GRM7: variants seen among roughly 807,000 people sequenced by gnomAD.
GRM7 encodes the protein glutamate metabotropic receptor 7, also known as metabotropic glutamate receptor 7.
Under a neutral mutation model 84.5 loss-of-function variants are expected in GRM7, and 35 were observed. That is an observed-to-expected ratio of 0.41 (90% confidence interval 0.32 to 0.55). The LOEUF is 0.55. GRM7 is among the 20% of genes least tolerant of loss of function. The probability of loss-of-function intolerance (pLI) is 0.19; values close to 1 mark genes in which losing one functional copy is unlikely to be tolerated. For missense variants in GRM7, 1,003 were observed against 1,194.6 expected (o/e 0.84, Z 2.36); for synonymous variants, 487 against 455.1 (o/e 1.07, Z -0.89).
intron 4 of GRM7, among the ~76,000 whole-genome samples, chr3:7,397,746 A>T (rs1459225776): frequency 6.6e-6 from 1 of 152,060 alleles, no homozygotes; most frequent in Non-Finnish European, 1.5e-5. Context: ...CTTAAGGGAG[A>T]TTTTCCTCTA....
Position 7,012,987 on chromosome 3 carries a change from G to A in GRM7, c.520-133465G>A, listed in dbSNP as rs150554491. Reference sequence around the variant, plus strand: ...ACTTCTGGCTTTGAGCAATCTTCTGGCGTCTTCCTTCCAATACGCCGGGAT... The same window carrying A: ...ACTTCTGGCTTTGAGCAATCTTCTGACGTCTTCCTTCCAATACGCCGGGAT... On this transcript the variant is annotated intron_variant, in intron 1 of 9. Coordinates refer to ENST00000357716, the MANE Select transcript of GRM7 (RefSeq NM_000844.4). Among the ~76,000 whole-genome samples, 71 of 152,054 alleles carry A rather than the reference G, an allele frequency of 4.7e-4. 1 individual carries two copies. The East Asian group carries it at 0.012, about 27-fold the overall frequency.
At chr3:7,272,257 A>G (rs1044149964) in intron 2 of GRM7, among the ~76,000 whole-genome samples, 11 of 152,078 alleles carry the variant, frequency 7.2e-5, no homozygotes, top group African/African-American at 2.7e-4. Context: ...CCTGCCATAC[A>G]ATGCAGGTAA....
intron 4 of GRM7, among the ~76,000 whole-genome samples, chr3:7,360,502 G>A (rs533230967): frequency 4.6e-5 from 7 of 152,028 alleles, no homozygotes; most frequent in Non-Finnish European, 8.8e-5. Flanking sequence ...TCTATAAAAC[G>A]GTATTTTTTG....
chr3:6,998,119 C>CAAAAAAAAAAAAAACAAA (rs1694885687), intron 1 of GRM7, among the ~76,000 whole-genome samples: 1 of 18,432 alleles, frequency 5.4e-5, no homozygotes, highest in Non-Finnish European at 9.6e-5. Flanking sequence ...ATCTCCATCT[C>CAAAAAAAAAAAAAACAAA]AAAAAAAAAA....
At chr3:7,225,738 A>C (rs1369783065) in intron 2 of GRM7, among the ~76,000 whole-genome samples, 3 of 151,914 alleles carry the variant, frequency 2.0e-5, no homozygotes, top group African/African-American at 7.2e-5. Context: ...GTTTTAATAA[A>C]TTAATACGTA....
chr3:7,108,494 T>G (rs1341653312), intron 1 of GRM7, among the ~76,000 whole-genome samples: 1 of 48,464 alleles, frequency 2.1e-5, no homozygotes, highest in African/African-American at 1.0e-4. Flanking sequence ...GACTCAACCA[T>G]TTTTTTTTTT....
intron 1 of GRM7, among the ~76,000 whole-genome samples, chr3:6,869,608 CAG>C (rs1277675134): frequency 7.4e-5 from 5 of 67,788 alleles, no homozygotes; most frequent in Non-Finnish European, 1.3e-4. Flanking sequence ...TCTATGGAGA[CAG>C]AGAGAGAGAA....
intron 2 of GRM7, among the ~76,000 whole-genome samples, chr3:7,248,707 A>G (rs1411946636): frequency 3.9e-5 from 6 of 152,154 alleles, no homozygotes; most frequent in African/African-American, 1.2e-4. Flanking sequence ...TTAAAATATT[A>G]GTGCCAAATA....
At chr3:7,040,909 C>T (rs1696580586) in intron 1 of GRM7, among the ~76,000 whole-genome samples, 1 of 151,496 alleles carries the variant, frequency 6.6e-6, no homozygotes, top group Non-Finnish European at 1.5e-5. Flanking sequence ...ACGGTGAAAC[C>T]CAGTATCTAC....
At chr3:7,444,071 C>T (rs1039372254) in intron 5 of GRM7, among the ~76,000 whole-genome samples, 2 of 152,134 alleles carry the variant, frequency 1.3e-5, no homozygotes, top group Admixed American at 1.3e-4. Flanking sequence ...TTATCTCATG[C>T]TTTTAGCAAC....
rs140906928 is a variant in GRM7, at chr3:7,467,717, C to G, written c.1515+5995C>G. Among the ~76,000 whole-genome samples the G allele has an allele frequency of 6.1e-3, 934 of 152,202 alleles. 14 individuals are homozygous for G. Among genetic ancestry groups the G allele is most frequent in the African/African-American group, 0.022 (906 of 41,534 alleles). On this transcript the variant is annotated intron_variant, in intron 7 of 9. Transcript: ENST00000357716. ...TCCTTACCACAAGCCATTTATAATG[C>G]TCTCTGGATTGTTTAGTTATCAATA...
intron 2 of GRM7, among the ~76,000 whole-genome samples, chr3:7,153,706 T>G (rs1310000764): frequency 6.6e-6 from 1 of 152,138 alleles, no homozygotes; most frequent in Non-Finnish European, 1.5e-5. Context: ...TGACTTGTAC[T>G]TATGCAATAT....
intron 9 of GRM7, among the ~76,000 whole-genome samples, chr3:7,727,609 C>A (rs537306785): frequency 6.6e-6 from 1 of 152,302 alleles, no homozygotes; most frequent in East Asian, 1.9e-4. Context: ...CAGCTTCATA[C>A]ACACGAGAAG....
chr3:6,998,408 G>A (rs536543390), intron 1 of GRM7, among the ~76,000 whole-genome samples: 39 of 152,150 alleles, frequency 2.6e-4, no homozygotes, highest in Admixed American at 1.6e-3. Flanking sequence ...TTCATGGGCT[G>A]GTGTTGAGTG....
At chr3:7,180,765 G>T (rs560551591) in intron 2 of GRM7, among the ~76,000 whole-genome samples, 1 of 152,226 alleles carries the variant, frequency 6.6e-6, no homozygotes, top group Non-Finnish European at 1.5e-5. Context: ...TAAATTAAAT[G>T]CAGCAAAGAA....
chr3:7,062,108 A>G (rs1007089921), intron 1 of GRM7, among the ~76,000 whole-genome samples: 2 of 151,682 alleles, frequency 1.3e-5, no homozygotes, highest in African/African-American at 4.8e-5. Context: ...TCCGCTAGAA[A>G]CTGTTAAAAA....
At chr3:7,406,065 T>G (rs1316129854) in intron 4 of GRM7, among the ~76,000 whole-genome samples, 2 of 152,116 alleles carry the variant, frequency 1.3e-5, no homozygotes, top group Non-Finnish European at 2.9e-5. Flanking sequence ...AGAATACACT[T>G]CTGAATACTT....
At chr3:7,289,363 T>G (rs1699539264) in intron 2 of GRM7, among the ~76,000 whole-genome samples, 1 of 152,126 alleles carries the variant, frequency 6.6e-6, no homozygotes, top group Non-Finnish European at 1.5e-5. Context: ...TCATCTAAGC[T>G]TAGGTCATTT....
chr3:7,454,218 CA>C (rs1419875884), intron 6 of GRM7, among the ~76,000 whole-genome samples: 2 of 151,730 alleles, frequency 1.3e-5, no homozygotes, highest in African/African-American at 4.8e-5. Flanking sequence ...ACATATTTCT[CA>C]AAGTACAAAA....
Sources: allele counts gnomAD v4.1 joint callset (sites outside exome capture counted in the v4.1 genomes callset), GRCh38; gene constraint gnomAD v4.1.1; transcripts MANE v1.5; gene names NCBI Gene and HGNC (gene_info 2026-07-23, HGNC 2026-07-21).